The following FAM184A variants were observed in gnomAD, a reference collection of about 807,000 sequenced individuals.
FAM184A encodes family with sequence similarity 184 member A, also known as protein FAM184A.
In FAM184A, 99 loss-of-function variants were observed where a neutral mutation model predicts 143.8. The ratio of observed to expected loss-of-function variants is 0.69; its 90% CI spans 0.58 to 0.81. The LOEUF is 0.81. Among genes scored for constraint, FAM184A ranks in the 40% least tolerant of loss-of-function variants. The pLI is 0.00. For synonymous variants in FAM184A, 427 were observed against 446.4 expected, an observed-to-expected ratio of 0.96 and a Z score of 0.55; for missense variants, 1,217 against 1,310.5, an observed-to-expected ratio of 0.93 and a Z score of 1.10.
At chr6:119,134,915 C>T in intron 1 of FAM184A, among the ~76,000 whole-genome samples, 1 of 152,138 alleles carries the variant, frequency 6.6e-6, no homozygotes, top group Non-Finnish European at 1.5e-5. Flanking sequence ...ATATAAACTC[C>T]TATAACCATG....
In FAM184A at chr6:118,974,359, T is replaced by A. The variant is rs895535640; in HGVS notation, c.2915+69A>T. The A allele has an allele frequency of 5.7e-6, 8 of 1,407,198 alleles. No individual in the cohort carries two copies. In the African/African-American group the frequency reaches 1.0e-4, roughly 18 times the overall value. 87.2% of individuals were successfully genotyped at this position (1,407,198 alleles called of 1,614,324 possible). A position where few individuals can be genotyped will look rare whatever the true frequency, so the allele number is the denominator to read the frequency against. On this transcript the variant is annotated intron_variant, in intron 14 of 17. Transcript: ENST00000338891. ...TTATTAGAGTCAAAATAACAGCTAA[T>A]CTGAGGTTAAACACAGTGCTCCTAA... is the stretch of plus-strand genomic sequence containing the variant.
intron 9 of FAM184A, among the ~76,000 whole-genome samples, chr6:118,994,401 G>A (rs139393722): frequency 6.6e-6 from 1 of 152,046 alleles, no homozygotes; most frequent in African/African-American, 2.4e-5. Context: ...AAAGCCAGAG[G>A]GTTGGCCGGG....
rs968529135 is a variant in FAM184A at position 119,122,685 on chromosome 6, G to A, written c.-202+26393C>T. 2.6e-5 allele frequency among the ~76,000 whole-genome samples: 4 copies of A among 152,086 alleles called. No homozygotes were observed. The South Asian group carries it at 8.3e-4, about 32-fold the overall frequency. ...GCCTGTAATCCCAGCACTTTGGAAG[G>A]CTGAAGGGGGTGGATTGCTTGAGTT... On this transcript the variant is annotated intron_variant, in intron 1 of 16. Coordinates refer to the FAM184A transcript ENST00000352896.
chr6:119,113,196 A>G (rs897863395), intron 1 of FAM184A, among the ~76,000 whole-genome samples: 2 of 149,872 alleles, frequency 1.3e-5, no homozygotes, highest in Admixed American at 6.6e-5. Flanking sequence ...ATTTGACTCA[A>G]CCCTTTAAAA....
In FAM184A at chr6:119,095,875, T is replaced by G. The variant is rs1040476592; in HGVS notation, c.-202+53203A>C. 6.6e-5 allele frequency among the ~76,000 whole-genome samples: 10 copies of G among 152,334 alleles called. No individual in the cohort carries two copies. In the South Asian group the frequency reaches 1.0e-3, roughly 16 times the overall value. ...TGCCCAGACAGGTTTTTCTATTTTT[T>G]TGTGTGTGTGAACTTCCAGTCCATC... On this transcript the variant is annotated intron_variant, in intron 1 of 16. Transcript: ENST00000352896.
chr6:119,076,761 C>A (rs1038438176), intron 1 of FAM184A, among the ~76,000 whole-genome samples: 1 of 152,190 alleles, frequency 6.6e-6, no homozygotes, highest in African/African-American at 2.4e-5. Context: ...AGATCAAACA[C>A]TACTGCAGGA....
chr6:119,062,006 G>A (rs1422806778), intron 1 of FAM184A, among the ~76,000 whole-genome samples: 1 of 151,914 alleles, frequency 6.6e-6, no homozygotes, highest in Non-Finnish European at 1.5e-5. Context: ...GGCAGACAGA[G>A]GTATGAGGCA....
upstream of FAM184A, among the ~76,000 whole-genome samples, chr6:119,083,536 C>A (rs958353352): frequency 2.0e-5 from 3 of 152,144 alleles, no homozygotes; most frequent in African/African-American, 7.2e-5. Context: ...GAATGCTTTG[C>A]TGCTTGGAAA....
chr6:119,057,541 C>T (rs945267983), intron 1 of FAM184A, among the ~76,000 whole-genome samples: 13 of 152,058 alleles, frequency 8.5e-5, no homozygotes, highest in Non-Finnish European at 7.4e-5. Flanking sequence ...GAGTTCAAGA[C>T]CAGAATGCTC....
intron 1 of FAM184A, among the ~76,000 whole-genome samples, chr6:119,054,567 A>G (rs1012888433): frequency 2.1e-4 from 32 of 152,174 alleles, no homozygotes; most frequent in African/African-American, 7.0e-4. Context: ...ATTCTATTAC[A>G]CTGGGGATTA....
chr6:119,140,854 C>G (rs1772211070), intron 1 of FAM184A, among the ~76,000 whole-genome samples: 1 of 152,238 alleles, frequency 6.6e-6, no homozygotes, highest in South Asian at 2.1e-4. Flanking sequence ...TCTACAGCCA[C>G]TGTCTTTTCT....
chr6:119,038,627 T>C (rs1442512905), intron 1 of FAM184A, among the ~76,000 whole-genome samples: 5 of 152,224 alleles, frequency 3.3e-5, no homozygotes, highest in Non-Finnish European at 5.9e-5. Flanking sequence ...TTGTTTAGCA[T>C]ATCATCAAGA....
intron 1 of FAM184A, among the ~76,000 whole-genome samples, chr6:119,146,937 GC>G (rs1772458333): frequency 6.6e-6 from 1 of 151,884 alleles, no homozygotes; most frequent in African/African-American, 2.4e-5. Context: ...TATAGCTCTT[GC>G]CCTTTCCACA....
At chr6:119,082,484 T>C (rs919381704), upstream of FAM184A, among the ~76,000 whole-genome samples, 5 of 152,216 alleles carry the variant, frequency 3.3e-5, no homozygotes, top group Admixed American at 6.5e-5. Context: ...CAAAAGCAAG[T>C]TAGTTACTTC....
At chr6:119,050,165 A>G (rs190397908) in intron 1 of FAM184A, among the ~76,000 whole-genome samples, 1 of 152,238 alleles carries the variant, frequency 6.6e-6, no homozygotes, top group African/African-American at 2.4e-5. Context: ...ATTATTAAAA[A>G]GTCAAAAAAC....
At chr6:119,008,702 C>T (rs1187219982) in intron 6 of FAM184A, among the ~76,000 whole-genome samples, 1 of 152,134 alleles carries the variant, frequency 6.6e-6, no homozygotes, top group Non-Finnish European at 1.5e-5. Context: ...GAAACCTCCT[C>T]CCTGAAATAT....
At chr6:119,100,248 G>C (rs1788605225) in intron 1 of FAM184A, among the ~76,000 whole-genome samples, 1 of 152,126 alleles carries the variant, frequency 6.6e-6, no homozygotes, top group Non-Finnish European at 1.5e-5. Flanking sequence ...GAAATGGAAG[G>C]AGACAGGGAA....
At chr6:119,077,032 T>C (rs1787897203) in intron 1 of FAM184A, among the ~76,000 whole-genome samples, 1 of 152,224 alleles carries the variant, frequency 6.6e-6, no homozygotes, top group Non-Finnish European at 1.5e-5. Context: ...TGTAGTCCTT[T>C]TATGTTATCT....
At chr6:118,971,548 T>TA (rs35440412) in intron 14 of FAM184A, among the ~76,000 whole-genome samples, 36,944 of 151,378 alleles carry the variant, frequency 0.24, 4,789 homozygotes, top group African/African-American at 0.33. Context: ...ATCATTCAGA[T>TA]AAAAAAAAAT....
Sources: allele counts gnomAD v4.1 joint callset (sites outside exome capture counted in the v4.1 genomes callset), GRCh38; gene constraint gnomAD v4.1.1; transcripts MANE v1.5; gene names NCBI Gene and HGNC (gene_info 2026-07-23, HGNC 2026-07-21).